The following RBFOX2 variants were observed in gnomAD, a reference collection of about 807,000 sequenced individuals.
The protein encoded by RBFOX2 is RNA binding protein fox-1 homolog 2.
A neutral mutation model predicts 49.1 loss-of-function variants in RBFOX2; 10 were observed. The ratio of observed to expected loss-of-function variants is 0.20; its 90% CI spans 0.13 to 0.35. RBFOX2 has a LOEUF of 0.35. Among genes scored for constraint, RBFOX2 ranks in the 10% least tolerant of loss-of-function variants. RBFOX2 has a pLI of 1.00. For synonymous variants in RBFOX2, 183 were observed against 187.4 expected (o/e 0.98, Z 0.19); for missense variants, 323 against 486.9 (o/e 0.66, Z 3.17).
At chr22:35,878,254 C>A (rs767251269) in intron 1 of RBFOX2, among the ~76,000 whole-genome samples, 1 of 151,862 alleles carries the variant, frequency 6.6e-6, no homozygotes, top group African/African-American at 2.4e-5. Context: ...AAAAATTAGC[C>A]GAGCATGGTG....
exon 12 of RBFOX2, chr22:35,742,930 G>A (rs1033134323): frequency 3.9e-5 from 6 of 152,932 alleles, no homozygotes; most frequent in Non-Finnish European, 7.3e-5. Flanking sequence ...GAGAAGCTCA[G>A]CGGGATAGCC....
chr22:35,744,041 T>C (rs888880116), exon 12 of RBFOX2: 14 of 493,608 alleles, frequency 2.8e-5, no homozygotes, highest in African/African-American at 1.0e-4. Context: ...TCAAAGAACA[T>C]AGTGAGGTAT....
chr22:35,877,465 G>A (rs965614367), intron 1 of RBFOX2, among the ~76,000 whole-genome samples: 1 of 152,172 alleles, frequency 6.6e-6, no homozygotes, highest in African/African-American at 2.4e-5. Context: ...CCCTGAATCA[G>A]TTCTCAGTAT....
intron 2 of RBFOX2, among the ~76,000 whole-genome samples, chr22:35,792,335 G>T (rs948644328): frequency 2.3e-5 from 2 of 88,696 alleles, no homozygotes; most frequent in African/African-American, 6.4e-5. Context: ...AAAAAAAAAA[G>T]AAAAGAAAAG....
At chr22:35,796,693 G>A (rs1330208465) in intron 2 of RBFOX2, among the ~76,000 whole-genome samples, 1 of 152,158 alleles carries the variant, frequency 6.6e-6, no homozygotes. Context: ...TTTTACTCAT[G>A]ATTTTGTAAC....
chr22:35,864,270 A>C lies in RBFOX2; in HGVS notation c.-33-54266T>G, dbSNP rs554121691. On this transcript the variant is annotated intron_variant, in intron 1 of 13. Coordinates refer to the RBFOX2 transcript ENST00000359369. ...TTATATCTAGGAATCTGAGTAATTA[A>C]GTCATAAGTGAAATAAACATAGAAG... Among the ~76,000 whole-genome samples, 6 of 152,354 alleles carry C rather than the reference A, an allele frequency of 3.9e-5. 1 individual carries two copies. In the South Asian group the frequency reaches 1.2e-3, roughly 32 times the overall value.
chr22:35,747,259 G>T (rs1408059298), intron 9 of RBFOX2: 1 of 152,194 alleles, frequency 6.6e-6, no homozygotes, highest in Non-Finnish European at 1.5e-5. Context: ...TGCCAACTCA[G>T]ATCTACATTT....
intron 1 of RBFOX2, among the ~76,000 whole-genome samples, chr22:35,832,345 C>A (rs1956958085): frequency 1.3e-5 from 2 of 151,642 alleles, no homozygotes; most frequent in Admixed American, 6.6e-5. Flanking sequence ...TACATTCCAA[C>A]CTGGGCGAAA....
rs557873340 is a variant in RBFOX2, at chr22:35,839,044, C to T, written c.27+1148G>A. Reference sequence around the variant, plus strand: ...ACTGGGAGAGGAAGAGAAGAGAGAACACAAAAAAAGGGCAACCTCCTTAAA... The same window carrying T: ...ACTGGGAGAGGAAGAGAAGAGAGAATACAAAAAAAGGGCAACCTCCTTAAA... On this transcript the variant is annotated intron_variant, in intron 1 of 11. Coordinates refer to ENST00000405409, the Ensembl canonical transcript of RBFOX2. Among the ~76,000 whole-genome samples the T allele has an allele frequency of 4.0e-5, 6 of 151,862 alleles. 1 individual carries two copies. In the South Asian group the frequency reaches 1.2e-3, roughly 32 times the overall value.
intron 2 of RBFOX2, among the ~76,000 whole-genome samples, chr22:35,793,912 C>T (rs1948261184): frequency 6.6e-6 from 1 of 152,108 alleles, no homozygotes; most frequent in African/African-American, 2.4e-5. Flanking sequence ...TTATGAAAGG[C>T]ATCATTTGTA....
chr22:35,834,982 G>C (rs5755959), intron 1 of RBFOX2, among the ~76,000 whole-genome samples: 4,453 of 152,316 alleles, frequency 0.029, 99 homozygotes, highest in East Asian at 0.043. Context: ...ACATTTAAGA[G>C]TCTGGGGAAT....
upstream of RBFOX2, among the ~76,000 whole-genome samples, chr22:35,940,450 T>C (rs2053575170): frequency 6.6e-6 from 1 of 152,162 alleles, no homozygotes; most frequent in Admixed American, 6.5e-5. Context: ...ACAATAAGTA[T>C]TGTCAAAGAC....
At chr22:35,807,548 G>GA (rs1041274510) in intron 2 of RBFOX2, among the ~76,000 whole-genome samples, 5 of 146,568 alleles carry the variant, frequency 3.4e-5, no homozygotes, top group East Asian at 4.0e-4. Context: ...TGTCTCGAAC[G>GA]AAAAAAAAAT....
At chr22:35,783,041 A>G (rs572828876) in intron 2 of RBFOX2, among the ~76,000 whole-genome samples, 2 of 152,286 alleles carry the variant, frequency 1.3e-5, no homozygotes, top group African/African-American at 2.4e-5. Context: ...CTTAACTACC[A>G]TAACCCGGTA....
chr22:35,930,927 GC>G (rs1569496513), intron 1 of RBFOX2, among the ~76,000 whole-genome samples: 1 of 152,228 alleles, frequency 6.6e-6, no homozygotes, highest in African/African-American at 2.4e-5. Context: ...TCATGAAACA[GC>G]AGAATAAGCA....
rs1939109675 is a variant in RBFOX2 at position 35,762,087 on chromosome 22, G to T, written c.608-619C>A. Among the ~76,000 whole-genome samples the T allele has an allele frequency of 2.0e-5, 3 of 152,166 alleles. No individual in the cohort carries two copies. The South Asian group carries it at 6.2e-4, about 32-fold the overall frequency. On this transcript the variant is annotated intron_variant, in intron 6 of 11. Transcript: ENST00000405409. Reference sequence around the variant, plus strand: ...TTCAAGGTACATTCCCAACTTCAGTGCATGTTTTCTGAGGCTTTAATGTGT... The same window carrying T: ...TTCAAGGTACATTCCCAACTTCAGTTCATGTTTTCTGAGGCTTTAATGTGT...
chr22:35,859,753 G>A (rs1019648742), intron 1 of RBFOX2, among the ~76,000 whole-genome samples: 5 of 152,078 alleles, frequency 3.3e-5, no homozygotes, highest in Non-Finnish European at 7.4e-5. Context: ...TTAGAGGCAG[G>A]GTTTTCACCA....
intron 1 of RBFOX2, among the ~76,000 whole-genome samples, chr22:35,977,380 A>G (rs1347974621): frequency 1.3e-5 from 2 of 152,144 alleles, no homozygotes; most frequent in African/African-American, 4.8e-5. Flanking sequence ...CAAAAAAGGA[A>G]TGCATTACTA....
At chr22:35,747,035 A>C (rs1932990979) in intron 9 of RBFOX2, 1 of 152,446 alleles carries the variant, frequency 6.6e-6, no homozygotes, top group African/African-American at 2.4e-5. Context: ...TACAGCATGT[A>C]ACAGAAACCT....
Sources: allele counts gnomAD v4.1 joint callset (sites outside exome capture counted in the v4.1 genomes callset), GRCh38; gene constraint gnomAD v4.1.1; transcripts MANE v1.5; gene names NCBI Gene and HGNC (gene_info 2026-07-23, HGNC 2026-07-21).